CERKL: variants seen among roughly 807,000 people sequenced by gnomAD.
CERKL encodes CERK like autophagy regulator.
In CERKL, 61 loss-of-function variants were observed where a neutral mutation model predicts 63.4. That is an observed-to-expected ratio of 0.96 (90% CI 0.78 to 1.19). The LOEUF is 1.19. Among genes scored for constraint, CERKL ranks in the 50% most tolerant of loss-of-function variants. The pLI, the probability that CERKL is intolerant of heterozygous loss-of-function variation, is 0.00. For synonymous variants in CERKL, 250 were observed against 230.5 expected (o/e 1.08, Z -0.77); for missense variants, 675 against 655.5 (o/e 1.03, Z -0.33).
intron 2 of CERKL, among the ~76,000 whole-genome samples, chr2:181,594,412 G>T (rs532045694): frequency 1.3e-5 from 2 of 152,180 alleles, no homozygotes; most frequent in Admixed American, 1.3e-4. Flanking sequence ...GTTTGTATCA[G>T]ACCTTGAACT....
chr2:181,622,220 A>G (rs1437622659), intron 1 of CERKL, among the ~76,000 whole-genome samples: 1 of 152,178 alleles, frequency 6.6e-6, no homozygotes, highest in Non-Finnish European at 1.5e-5. Flanking sequence ...ACAAATCTAC[A>G]CTAAAGTAGC....
chr2:181,537,161 C>T lies in CERKL; in HGVS notation c.*1023G>A, dbSNP rs192210010. ...TATCGTTATAAAAAGGCTAGTCATT[C>T]TTTCAGGAGAACATCTAGGATCATA... On this transcript the variant is annotated 3_prime_UTR_variant, in exon 13 of 13. Transcript: ENST00000410087. 859 of 453,846 alleles carry T rather than the reference C, an allele frequency of 1.9e-3. 7 individuals carry two copies. The highest frequency in any genetic ancestry group is 2.2e-3 in the Non-Finnish European group (503 of 226,674). The allele number at this position is 453,846 out of a possible 1,614,324, so 28.1% of individuals were successfully genotyped here. A position where few individuals can be genotyped will look rare whatever the true frequency, so the allele number is the denominator to read the frequency against.
intron 1 of CERKL, among the ~76,000 whole-genome samples, chr2:181,611,113 C>A (rs557230428): frequency 6.6e-6 from 1 of 152,158 alleles, no homozygotes; most frequent in African/African-American, 2.4e-5. Flanking sequence ...ACCCCAGCTA[C>A]TCAGGAGGTG....
intron 2 of CERKL, among the ~76,000 whole-genome samples, chr2:181,592,323 A>G (rs1685021781): frequency 6.6e-6 from 1 of 152,212 alleles, no homozygotes; most frequent in African/African-American, 2.4e-5. Flanking sequence ...CATGTTAGCA[A>G]CATGAGAATG....
At chr2:181,638,971 A>G (rs1687302544) in intron 1 of CERKL, among the ~76,000 whole-genome samples, 1 of 152,134 alleles carries the variant, frequency 6.6e-6, no homozygotes, top group African/African-American at 2.4e-5. Context: ...GTTTGTTCAA[A>G]ACATAAATTG....
intron 1 of CERKL, among the ~76,000 whole-genome samples, chr2:181,630,344 C>A (rs1686901575): frequency 6.6e-6 from 1 of 151,758 alleles, no homozygotes; most frequent in East Asian, 1.9e-4. Flanking sequence ...CCACACCTGG[C>A]CAAAATCCAC....
rs1453030300 is a variant in CERKL at position 181,656,505 on chromosome 2, G to A, written c.238+264C>T. ...AAAAGCTGCTTGTGACGTTTGCCCG[G>A]GGAAGGTCTCGGAGGCGGGAAAAGG... On this transcript the variant is annotated intron_variant, in intron 1 of 12. Coordinates refer to ENST00000410087, the MANE Select transcript of CERKL (RefSeq NM_201548.5). 3.3e-5 allele frequency among the ~76,000 whole-genome samples: 5 copies of A among 152,192 alleles called. No homozygotes were observed. The Middle Eastern group carries it at 0.01, about 311-fold the overall frequency.
At chr2:181,592,630 G>A (rs963003054) in intron 2 of CERKL, among the ~76,000 whole-genome samples, 1 of 152,156 alleles carries the variant, frequency 6.6e-6, no homozygotes, top group African/African-American at 2.4e-5. Context: ...AACATTACAG[G>A]CTATGGAGTA....
chr2:181,623,835 C>T (rs1330103537), intron 1 of CERKL, among the ~76,000 whole-genome samples: 1 of 152,186 alleles, frequency 6.6e-6, no homozygotes, highest in African/African-American at 2.4e-5. Context: ...CTTTACTCAT[C>T]CCTCTTAGCA....
intron 1 of CERKL, among the ~76,000 whole-genome samples, chr2:181,638,689 A>G (rs1380814469): frequency 1.3e-5 from 2 of 152,156 alleles, no homozygotes; most frequent in African/African-American, 2.4e-5. Context: ...CTCCACCTCA[A>G]CTTCAGAGGA....
intron 2 of CERKL, among the ~76,000 whole-genome samples, chr2:181,585,015 C>T (rs114728739): frequency 0.021 from 3,226 of 151,526 alleles, 49 homozygotes; most frequent in Non-Finnish European, 0.032. Context: ...CTTCATATAT[C>T]GATATGGCTC....
At chr2:181,643,800 C>T (rs1687550973) in intron 1 of CERKL, among the ~76,000 whole-genome samples, 1 of 152,284 alleles carries the variant, frequency 6.6e-6, no homozygotes, top group South Asian at 2.1e-4. Flanking sequence ...CTTAACATTG[C>T]CTAATCTTAC....
intron 2 of CERKL, among the ~76,000 whole-genome samples, chr2:181,594,878 G>T (rs1685135210): frequency 6.6e-6 from 1 of 151,864 alleles, no homozygotes; most frequent in Non-Finnish European, 1.5e-5. Context: ...AAAATTCCTG[G>T]AGTTACATAT....
rs1688320318 is a variant in CERKL at position 181,558,902 on chromosome 2, A to G, written c.678-194T>C. Among the ~76,000 whole-genome samples, 1 of 152,222 alleles carries G rather than the reference A, an allele frequency of 6.6e-6. No homozygotes were observed. Among genetic ancestry groups the G allele is most frequent in the African/African-American group, 2.4e-5 (1 of 41,470 alleles). On this transcript the variant is annotated intron_variant, in intron 4 of 12. Coordinates refer to ENST00000410087, the MANE Select transcript of CERKL (RefSeq NM_201548.5). The surrounding 1 kb of genome is among the most constrained non-coding windows in gnomAD (Gnocchi z 4.2). ...CAACACAGGTAAGTTTACTTCACAA[A>G]TATAATAACTAGATAATTCCCCATA...
chr2:181,597,773 G>A (rs1685281308), intron 2 of CERKL, among the ~76,000 whole-genome samples: 1 of 152,156 alleles, frequency 6.6e-6, no homozygotes, highest in East Asian at 1.9e-4. Context: ...TTGAGTCTCT[G>A]TAGCACCAGA....
intron 1 of CERKL, among the ~76,000 whole-genome samples, chr2:181,618,642 C>T (rs1686318201): frequency 1.3e-5 from 2 of 152,106 alleles, no homozygotes; most frequent in South Asian, 4.2e-4. Flanking sequence ...GAACTCCTGA[C>T]CTCAAGTGAT....
intron 1 of CERKL, among the ~76,000 whole-genome samples, chr2:181,636,902 A>G (rs1168697295): frequency 6.6e-6 from 1 of 152,192 alleles, no homozygotes; most frequent in Non-Finnish European, 1.5e-5. Context: ...TAGATCATGT[A>G]GTTATTCTTT....
At chr2:181,618,022 CAGAA>C (rs1358271961) in intron 1 of CERKL, among the ~76,000 whole-genome samples, 3 of 152,170 alleles carry the variant, frequency 2.0e-5, no homozygotes, top group Non-Finnish European at 4.4e-5. Context: ...TGAAAAAACT[CAGAA>C]AGTCAAATAC....
At chr2:181,589,052 T>C (rs1684881405) in intron 2 of CERKL, among the ~76,000 whole-genome samples, 1 of 152,214 alleles carries the variant, frequency 6.6e-6, no homozygotes, top group Non-Finnish European at 1.5e-5. Context: ...CTCAACTGAC[T>C]GTTCCCTTTG....
Sources: allele counts gnomAD v4.1 joint callset (sites outside exome capture counted in the v4.1 genomes callset), GRCh38; gene constraint gnomAD v4.1.1; non-coding constraint Gnocchi (gnomAD v3.1); transcripts MANE v1.5; gene names NCBI Gene and HGNC (gene_info 2026-07-23, HGNC 2026-07-21).